Variants in LRFN5 observed in about 807,000 individuals in gnomAD.
LRFN5 encodes leucine rich repeat and fibronectin type III domain containing 5.
Under a neutral mutation model 45.6 loss-of-function variants are expected in LRFN5, and 24 were observed. The ratio of observed to expected loss-of-function variants is 0.53; its 90% CI spans 0.38 to 0.74. The LOEUF is 0.74. Among genes scored for constraint, LRFN5 ranks in the 30% least tolerant of loss-of-function variants. The probability of loss-of-function intolerance (pLI) is 0.00; values close to 1 mark genes in which losing one functional copy is unlikely to be tolerated. For missense variants in LRFN5, 776 were observed against 861.5 expected, an observed-to-expected ratio of 0.90 and a Z score of 1.24; for synonymous variants, 340 against 313.8, an observed-to-expected ratio of 1.08 and a Z score of -0.88.
chr14:41,684,105 A>T, intron 1 of LRFN5, among the ~76,000 whole-genome samples: 1 of 152,172 alleles, frequency 6.6e-6, no homozygotes, highest in East Asian at 1.9e-4. Context: ...GCAATGGAAC[A>T]GAATAGAGAA....
chr14:41,685,794 T>C (rs1293609246), intron 1 of LRFN5, among the ~76,000 whole-genome samples: 1 of 152,150 alleles, frequency 6.6e-6, no homozygotes. Flanking sequence ...GTGTTATTTC[T>C]GAGGTTTCTG....
intron 1 of LRFN5, among the ~76,000 whole-genome samples, chr14:41,754,983 T>A (rs1885309029): frequency 6.6e-6 from 1 of 152,182 alleles, no homozygotes; most frequent in Non-Finnish European, 1.5e-5. Context: ...CTCGTTGGTT[T>A]CAAAGTACAT....
At chr14:41,810,302 G>T (rs919833566) in intron 2 of LRFN5, among the ~76,000 whole-genome samples, 23 of 152,106 alleles carry the variant, frequency 1.5e-4, no homozygotes, top group African/African-American at 5.1e-4. Context: ...CACAAATTTT[G>T]TTAATTTTCC....
intron 1 of LRFN5, among the ~76,000 whole-genome samples, chr14:41,722,563 G>GT (rs1459175135): frequency 3.0e-5 from 3 of 98,912 alleles, no homozygotes; most frequent in Non-Finnish European, 6.6e-5. Context: ...ATAAAATACG[G>GT]TGTTTTTTTT....
chr14:41,816,954 C>A, intron 2 of LRFN5, among the ~76,000 whole-genome samples: 1 of 136,348 alleles, frequency 7.3e-6, no homozygotes, highest in East Asian at 2.1e-4. Context: ...TTGTTTTGTT[C>A]TTTTTAAAAG....
At chr14:41,871,012 T>C (rs1890001460) in intron 2 of LRFN5, among the ~76,000 whole-genome samples, 1 of 152,118 alleles carries the variant, frequency 6.6e-6, no homozygotes, top group Non-Finnish European at 1.5e-5. Context: ...TGTCAGTTTT[T>C]AAGGTTTGAA....
chr14:41,652,595 A>G (rs578198949), intron 1 of LRFN5, among the ~76,000 whole-genome samples: 1 of 151,910 alleles, frequency 6.6e-6, no homozygotes, highest in African/African-American at 2.4e-5. Context: ...GCTGGTTTCT[A>G]CTAGGACCAG....
At chr14:41,889,557 C>T (rs1199029844) in intron 3 of LRFN5, among the ~76,000 whole-genome samples, 1 of 152,112 alleles carries the variant, frequency 6.6e-6, no homozygotes, top group Non-Finnish European at 1.5e-5. Flanking sequence ...AACATTAGCT[C>T]TGTGAAATAA....
intron 2 of LRFN5, among the ~76,000 whole-genome samples, chr14:41,795,232 A>G (rs1264170368): frequency 6.6e-6 from 1 of 152,216 alleles, no homozygotes; most frequent in Middle Eastern, 3.4e-3. Context: ...ATGAGATACC[A>G]TCTCACACCA....
chr14:41,631,970 A>C (rs1325220326), intron 1 of LRFN5, among the ~76,000 whole-genome samples: 1 of 152,150 alleles, frequency 6.6e-6, no homozygotes, highest in Non-Finnish European at 1.5e-5. Flanking sequence ...TTATATTATA[A>C]AGGATTGCTC....
chr14:41,741,728 C>T (rs1224129024), intron 1 of LRFN5, among the ~76,000 whole-genome samples: 1 of 149,982 alleles, frequency 6.7e-6, no homozygotes, highest in African/African-American at 2.4e-5. Context: ...TTTGATGCAG[C>T]AAAGACAACA....
chr14:41,640,439 A>G (rs1263848619), intron 1 of LRFN5, among the ~76,000 whole-genome samples: 1 of 152,128 alleles, frequency 6.6e-6, no homozygotes, highest in Admixed American at 6.6e-5. Context: ...AATTTTGAAT[A>G]AGCAAACTGA....
chr14:41,831,358 A>G (rs1888473605), intron 2 of LRFN5, among the ~76,000 whole-genome samples: 1 of 152,184 alleles, frequency 6.6e-6, no homozygotes, highest in African/African-American at 2.4e-5. Context: ...TGTATGTGTA[A>G]TGTTTGCTTA....
At chr14:41,820,783 T>G (rs1328901341) in intron 2 of LRFN5, among the ~76,000 whole-genome samples, 1 of 152,006 alleles carries the variant, frequency 6.6e-6, no homozygotes, top group Non-Finnish European at 1.5e-5. Context: ...TTGTATCATC[T>G]ACAATTTCCT....
chr14:41,882,837 G>A (rs1481650801), intron 2 of LRFN5, among the ~76,000 whole-genome samples: 1 of 135,136 alleles, frequency 7.4e-6, no homozygotes, highest in African/African-American at 2.6e-5. Context: ...CAACAGCTAT[G>A]TATTTCCTCT....
rs969338360 is a variant in LRFN5, at chr14:41,649,650, C to T, written c.-197+41088C>T. Among the ~76,000 whole-genome samples, 4 of 152,160 alleles carry T rather than the reference C, an allele frequency of 2.6e-5. No individual in the cohort carries two copies. The East Asian group carries it at 5.8e-4, about 22-fold the overall frequency. On this transcript the variant is annotated intron_variant, in intron 1 of 5. Transcript: ENST00000298119. Reference sequence around the variant, plus strand: ...TATCTGATCATCTTTGATATTTTATCAGGTTCCTCATCCTCCACATCCCCA... The same window carrying T: ...TATCTGATCATCTTTGATATTTTATTAGGTTCCTCATCCTCCACATCCCCA...
At chr14:41,899,534 A>C (rs1049513153) in intron 5 of LRFN5, among the ~76,000 whole-genome samples, 1 of 152,084 alleles carries the variant, frequency 6.6e-6, no homozygotes, top group Non-Finnish European at 1.5e-5. Context: ...GTTTGAAATG[A>C]GTATTTGATT....
At chr14:41,893,493 T>TA in intron 4 of LRFN5, 5 of 984,318 alleles carry the variant, frequency 5.1e-6, no homozygotes, top group Non-Finnish European at 6.0e-6. Context: ...GGTACTTTAC[T>TA]ATCTTATGTC....
rs144266696 is a variant in LRFN5 at position 41,854,460 on chromosome 14, T to C, written c.-20-32146T>C. 2.1e-3 allele frequency among the ~76,000 whole-genome samples: 318 copies of C among 151,914 alleles called. 1 individual carries two copies. The highest frequency in any genetic ancestry group is 7.2e-3 in the African/African-American group (297 of 41,416). On this transcript the variant is annotated intron_variant, in intron 2 of 5. Transcript: ENST00000298119. Reference sequence around the variant, plus strand: ...CACCAACATGACACATGTATACATATGTAACAGACCTGCACATTGTGCACA... The same window carrying C: ...CACCAACATGACACATGTATACATACGTAACAGACCTGCACATTGTGCACA...
Sources: allele counts gnomAD v4.1 joint callset (sites outside exome capture counted in the v4.1 genomes callset), GRCh38; gene constraint gnomAD v4.1.1; transcripts MANE v1.5; gene names NCBI Gene and HGNC (gene_info 2026-07-23, HGNC 2026-07-21).